EXOC6B: variants seen among roughly 807,000 people sequenced by gnomAD.
EXOC6B encodes SEC15 homolog B.
EXOC6B carries 54 observed loss-of-function variants against 113.5 expected under a neutral mutation model. The observed-to-expected ratio is 0.48, with a 90% CI of 0.38 to 0.60. The LOEUF (loss-of-function observed/expected upper bound fraction) is 0.60, where lower values mean the gene tolerates loss of function less well. Among genes scored for constraint, EXOC6B ranks in the 20% least tolerant of loss-of-function variants. The probability of loss-of-function intolerance (pLI) is 0.00; values close to 1 mark genes in which losing one functional copy is unlikely to be tolerated. For synonymous variants in EXOC6B, 357 were observed against 339.0 expected, an observed-to-expected ratio of 1.05 and a Z score of -0.58; for missense variants, 797 against 977.5, an observed-to-expected ratio of 0.82 and a Z score of 2.46.
At chr2:72,616,413 A>T (rs1479194661) in intron 6 of EXOC6B, among the ~76,000 whole-genome samples, 1 of 152,236 alleles carries the variant, frequency 6.6e-6, no homozygotes, top group Non-Finnish European at 1.5e-5. Flanking sequence ...TGAGCAGGGT[A>T]TGTGCATAAA....
At chr2:72,737,336 T>C (rs988521132) in intron 2 of EXOC6B, among the ~76,000 whole-genome samples, 1 of 151,700 alleles carries the variant, frequency 6.6e-6, no homozygotes. Context: ...AGAGTGAGAC[T>C]CTGCCTCAAA....
intron 18 of EXOC6B, among the ~76,000 whole-genome samples, chr2:72,407,105 G>C (rs890900041): frequency 3.9e-5 from 6 of 152,128 alleles, no homozygotes; most frequent in African/African-American, 1.4e-4. Context: ...AGATAAACTA[G>C]AAAATCTAGA....
At chr2:72,576,384 G>T (rs1704855250) in intron 6 of EXOC6B, among the ~76,000 whole-genome samples, 1 of 152,000 alleles carries the variant, frequency 6.6e-6, no homozygotes, top group Non-Finnish European at 1.5e-5. Context: ...GGTTTCAATA[G>T]ATACAGAGAA....
chr2:72,181,295 A>C (rs915407450), intron 21 of EXOC6B, among the ~76,000 whole-genome samples: 1 of 152,216 alleles, frequency 6.6e-6, no homozygotes, highest in Non-Finnish European at 1.5e-5. Flanking sequence ...AGAACATTGA[A>C]TATAAGGTAC....
chr2:72,416,478 A>G (rs1256054429), intron 18 of EXOC6B, among the ~76,000 whole-genome samples: 2 of 152,244 alleles, frequency 1.3e-5, no homozygotes, highest in African/African-American at 4.8e-5. Flanking sequence ...TAACTTGCAC[A>G]TATCTCCAAA....
intron 20 of EXOC6B, among the ~76,000 whole-genome samples, chr2:72,210,090 T>C (rs73942562): frequency 0.019 from 2,884 of 152,222 alleles, 86 homozygotes; most frequent in African/African-American, 0.065. Flanking sequence ...GTGCTGATCT[T>C]TTGGGTCCTA....
intron 18 of EXOC6B, among the ~76,000 whole-genome samples, chr2:72,433,325 T>C (rs1695661129): frequency 6.6e-6 from 1 of 152,238 alleles, no homozygotes; most frequent in Non-Finnish European, 1.5e-5. Context: ...CAGTATACTT[T>C]AAAGTCAGGT....
intron 20 of EXOC6B, among the ~76,000 whole-genome samples, chr2:72,216,015 A>G (rs1680509614): frequency 6.6e-6 from 1 of 152,124 alleles, no homozygotes; most frequent in African/African-American, 2.4e-5. Flanking sequence ...CCTTGTATCT[A>G]TGGGAGAAAG....
intron 19 of EXOC6B, among the ~76,000 whole-genome samples, chr2:72,363,163 G>A (rs1690423678): frequency 1.3e-5 from 2 of 151,920 alleles, no homozygotes; most frequent in Admixed American, 1.3e-4. Context: ...TCCACACAAA[G>A]CAGAAAAACA....
chr2:72,279,134 T>A (rs916317182), intron 20 of EXOC6B, among the ~76,000 whole-genome samples: 3 of 152,216 alleles, frequency 2.0e-5, no homozygotes, highest in Non-Finnish European at 4.4e-5. Flanking sequence ...CCAATCACCA[T>A]ATCCTTCCCT....
At chr2:72,782,755 A>G (rs1259719967) in intron 1 of EXOC6B, among the ~76,000 whole-genome samples, 1 of 152,134 alleles carries the variant, frequency 6.6e-6, no homozygotes, top group African/African-American at 2.4e-5. Context: ...CAGTTCCCAC[A>G]TATGAGTGAC....
chr2:72,604,746 G>C (rs1309176530), intron 6 of EXOC6B, among the ~76,000 whole-genome samples: 1 of 152,136 alleles, frequency 6.6e-6, no homozygotes, highest in Non-Finnish European at 1.5e-5. Context: ...TACTATGATA[G>C]AGTTAGAGAA....
chr2:72,696,475 CT>C (rs1051651899), intron 6 of EXOC6B, among the ~76,000 whole-genome samples: 1 of 152,188 alleles, frequency 6.6e-6, no homozygotes, highest in African/African-American at 2.4e-5. Flanking sequence ...GACACTGCTG[CT>C]TCTTTCATCA....
At chr2:72,486,563 T>C (rs1320048286) in intron 16 of EXOC6B, among the ~76,000 whole-genome samples, 1 of 151,992 alleles carries the variant, frequency 6.6e-6, no homozygotes, top group Non-Finnish European at 1.5e-5. Flanking sequence ...TGCTCTCCCA[T>C]CTGTAGGTTT....
At chr2:72,691,763 C>G (rs572838609) in intron 6 of EXOC6B, among the ~76,000 whole-genome samples, 5 of 150,794 alleles carry the variant, frequency 3.3e-5, no homozygotes, top group Admixed American at 6.6e-5. Context: ...CTCACTGCAA[C>G]CTCGGCCTCC....
intron 18 of EXOC6B, among the ~76,000 whole-genome samples, chr2:72,425,291 T>C (rs1695140741): frequency 6.6e-6 from 1 of 152,200 alleles, no homozygotes. Flanking sequence ...TAGTGATGAC[T>C]TTATGTATTT....
chr2:72,544,863 T>C (rs892565215), intron 8 of EXOC6B, among the ~76,000 whole-genome samples: 1 of 152,080 alleles, frequency 6.6e-6, no homozygotes, highest in African/African-American at 2.4e-5. Context: ...TGTAATGTCA[T>C]CTTTGTAAAT....
At chr2:72,453,706 T>C (rs546208745) in intron 18 of EXOC6B, among the ~76,000 whole-genome samples, 46 of 152,336 alleles carry the variant, frequency 3.0e-4, no homozygotes, top group African/African-American at 1.1e-3. Flanking sequence ...TTTGCTGATA[T>C]TAGCAATGAT....
chr2:72,344,988 C>T lies in EXOC6B; in HGVS notation c.2123-9968G>A, dbSNP rs543276270. On this transcript the variant is annotated intron_variant, in intron 19 of 21. Transcript: ENST00000272427. ...ATTCAACAATCAGAAGACAATTACC[C>T]AATATTTGGAGGACAAGGTCATTTT... Among the ~76,000 whole-genome samples, 8 of 152,070 alleles carry T rather than the reference C, an allele frequency of 5.3e-5. 1 individual carries two copies. The highest frequency in any genetic ancestry group is 1.9e-4 in the African/African-American group (8 of 41,512).
Sources: allele counts gnomAD v4.1 joint callset (sites outside exome capture counted in the v4.1 genomes callset), GRCh38; gene constraint gnomAD v4.1.1; transcripts MANE v1.5; gene names NCBI Gene and HGNC (gene_info 2026-07-23, HGNC 2026-07-21).